RIMBP2: variants seen among roughly 807,000 people sequenced by gnomAD.
The protein encoded by RIMBP2 is RIMS binding protein 2.
RIMBP2 carries 48 observed loss-of-function variants against 118.6 expected under a neutral mutation model. The ratio of observed to expected loss-of-function variants is 0.40; its 90% CI spans 0.32 to 0.51. The LOEUF (loss-of-function observed/expected upper bound fraction) is 0.51, where lower values mean the gene tolerates loss of function less well. Ranked by LOEUF, RIMBP2 falls within the 20% of genes least tolerant of loss-of-function variation. The pLI is 0.41. For synonymous variants in RIMBP2, 762 were observed against 742.9 expected, an observed-to-expected ratio of 1.03 and a Z score of -0.42; for missense variants, 1,551 against 1,768.3, an observed-to-expected ratio of 0.88 and a Z score of 2.20.
Position 130,450,365 on chromosome 12 carries a change from T to C in RIMBP2, c.505-89A>G. Reference sequence around the variant, plus strand: ...GCACACGGGAAAGCCCCTCGCAGCTTCCTGGGCCCCAGGAGGGACGGCCTG... The same window carrying C: ...GCACACGGGAAAGCCCCTCGCAGCTCCCTGGGCCCCAGGAGGGACGGCCTG... On this transcript the variant is annotated intron_variant, in intron 8 of 22. Coordinates refer to ENST00000690449, the MANE Select transcript of RIMBP2 (RefSeq NM_001393629.1). The surrounding 1 kb of genome is among the most constrained non-coding windows in gnomAD (Gnocchi z 4.8). The C allele has an allele frequency of 1.0e-6, 1 of 984,538 alleles. No individual in the cohort carries two copies. Among genetic ancestry groups the C allele is most frequent in the Non-Finnish European group, 1.6e-6 (1 of 631,490 alleles). The allele number at this position is 984,538 out of a possible 1,614,324, so 61.0% of individuals were successfully genotyped here.
chr12:130,493,810 C>T (rs1403764519), intron 4 of RIMBP2, among the ~76,000 whole-genome samples: 5 of 152,200 alleles, frequency 3.3e-5, no homozygotes, highest in Non-Finnish European at 7.3e-5. Context: ...TCTACATTTT[C>T]GTTGAAGTGT....
intron 2 of RIMBP2, among the ~76,000 whole-genome samples, chr12:130,626,652 A>G (rs2061654907): frequency 6.7e-6 from 1 of 149,824 alleles, no homozygotes; most frequent in African/African-American, 2.5e-5. Context: ...AATCTCCTCC[A>G]TCACCATGAC....
intron 2 of RIMBP2, among the ~76,000 whole-genome samples, chr12:130,529,141 ACAC>A (rs1343732169): frequency 1.3e-5 from 2 of 152,220 alleles, no homozygotes; most frequent in Non-Finnish European, 2.9e-5. Context: ...GTGCTGATTC[ACAC>A]CACAACAGGG....
intron 2 of RIMBP2, among the ~76,000 whole-genome samples, chr12:130,592,991 T>C (rs980887161): frequency 2.6e-5 from 4 of 152,206 alleles, no homozygotes; most frequent in African/African-American, 9.6e-5. Flanking sequence ...CTCACTGCGT[T>C]GCTGAAAACC....
intron 5 of RIMBP2, chr12:130,471,611 G>A (rs2081011014): frequency 6.6e-6 from 1 of 152,296 alleles, no homozygotes; most frequent in African/African-American, 2.4e-5. Flanking sequence ...AGTCGCCAGG[G>A]GCCTGGACGG....
chr12:130,578,356 C>G lies in RIMBP2; in HGVS notation c.-217+49966G>C, dbSNP rs747090121. 1.3e-5 allele frequency among the ~76,000 whole-genome samples: 2 copies of G among 152,216 alleles called. No homozygotes were observed. Among genetic ancestry groups the G allele is most frequent in the Non-Finnish European group, 2.9e-5 (2 of 68,038 alleles). Reference sequence around the variant, plus strand: ...CATTCTGGATGGCTGCTGCTCTGCCCTAGAATCCAACATGGCTCCCAGCTG... The same window carrying G: ...CATTCTGGATGGCTGCTGCTCTGCCGTAGAATCCAACATGGCTCCCAGCTG... On this transcript the variant is annotated intron_variant, in intron 2 of 22. Transcript: ENST00000690449. The surrounding 1 kb of genome is among the most constrained non-coding windows in gnomAD (Gnocchi z 4.1).
chr12:130,672,306 A>G (rs540566468), intron 1 of RIMBP2, among the ~76,000 whole-genome samples: 4 of 152,332 alleles, frequency 2.6e-5, no homozygotes, highest in African/African-American at 9.6e-5. Context: ...AATCAATTAA[A>G]TCACTCGCTT....
intron 2 of RIMBP2, among the ~76,000 whole-genome samples, chr12:130,572,817 C>T (rs1381184353): frequency 6.6e-6 from 1 of 152,040 alleles, no homozygotes; most frequent in Non-Finnish European, 1.5e-5. Flanking sequence ...GCACTGTCAC[C>T]ACGGGACGGG....
chr12:130,707,631 C>T (rs74741935), intron 1 of RIMBP2, among the ~76,000 whole-genome samples: 4,666 of 152,148 alleles, frequency 0.031, 237 homozygotes, highest in African/African-American at 0.11. Flanking sequence ...CAAGAGTGGG[C>T]GTGGACTGAG....
chr12:130,434,952 A>G lies in RIMBP2; in HGVS notation c.2107-72T>C. 6.7e-7 allele frequency: 1 copy of G among 1,488,038 alleles called. No homozygotes were observed. Among genetic ancestry groups the G allele is most frequent in the Non-Finnish European group, 9.0e-7 (1 of 1,111,462 alleles). 92.2% of individuals were successfully genotyped at this position (1,488,038 alleles called of 1,614,324 possible). A position where few individuals can be genotyped will look rare whatever the true frequency, so the allele number is the denominator to read the frequency against. On this transcript the variant is annotated intron_variant, in intron 13 of 22. Coordinates refer to ENST00000690449, the MANE Select transcript of RIMBP2 (RefSeq NM_001393629.1). This position sits in a 1 kb window ranked among gnomAD's most constrained non-coding sequence, Gnocchi z 5.7. Reference sequence around the variant, plus strand: ...GCTACGCTCAGCCCCACCTGCATTCACCAAACCTTCAGCCCCTCAGAGCCT... The same window carrying G: ...GCTACGCTCAGCCCCACCTGCATTCGCCAAACCTTCAGCCCCTCAGAGCCT...
At chr12:130,531,658 T>G (rs2053386796) in intron 2 of RIMBP2, among the ~76,000 whole-genome samples, 1 of 152,238 alleles carries the variant, frequency 6.6e-6, no homozygotes, top group Non-Finnish European at 1.5e-5. Flanking sequence ...GAGGCACATG[T>G]ACATGTTTCT....
chr12:130,694,489 C>T (rs145630312), intron 1 of RIMBP2, among the ~76,000 whole-genome samples: 34 of 152,338 alleles, frequency 2.2e-4, no homozygotes, highest in African/African-American at 7.5e-4. Flanking sequence ...CCTGTCTCAT[C>T]GCCAACCTCA....
intron 1 of RIMBP2, among the ~76,000 whole-genome samples, chr12:130,656,747 A>G (rs1377662605): frequency 6.6e-6 from 1 of 152,144 alleles, no homozygotes; most frequent in Non-Finnish European, 1.5e-5. Context: ...CTAAAAAAAA[A>G]AGCAAGATCT....
chr12:130,447,979 CAT>C lies in RIMBP2; in HGVS notation c.581+2219_581+2220del. On this transcript the variant is annotated intron_variant, in intron 9 of 22. Coordinates refer to ENST00000690449, the MANE Select transcript of RIMBP2 (RefSeq NM_001393629.1). The surrounding 1 kb of genome is among the most constrained non-coding windows in gnomAD (Gnocchi z 4.4). ...CACTGATTAGACCCGGGGCAGAAAA[CAT>C]AACCCCCTCCCTACATCTACCTGCA... is the stretch of plus-strand genomic sequence containing the variant. Among the ~76,000 whole-genome samples the C allele has an allele frequency of 6.6e-6, 1 of 152,188 alleles. No homozygotes were observed. The highest frequency in any genetic ancestry group is 2.4e-5 in the African/African-American group (1 of 41,532).
At chr12:130,451,062 G>T in intron 8 of RIMBP2, 133 bp downstream of exon 8, 1 of 1,072,144 alleles carries the variant, frequency 9.3e-7, no homozygotes, top group Non-Finnish European at 1.4e-6. Context: ...ATTAACAGGG[G>T]CAAAGGGAAG....
chr12:130,542,853 G>C (rs2054736605), intron 2 of RIMBP2, among the ~76,000 whole-genome samples: 1 of 152,182 alleles, frequency 6.6e-6, no homozygotes, highest in Non-Finnish European at 1.5e-5. Context: ...TTGTTTATGA[G>C]GATGCTTTAA....
chr12:130,685,052 G>A (rs1410801036), intron 1 of RIMBP2, among the ~76,000 whole-genome samples: 2 of 152,138 alleles, frequency 1.3e-5, no homozygotes, highest in African/African-American at 4.8e-5. Context: ...GATAAATCCA[G>A]AAACCAAACT....
In RIMBP2 at chr12:130,534,673, T is replaced by C. The variant is rs868304301; in HGVS notation, c.-216-16756A>G. Among the ~76,000 whole-genome samples the C allele has an allele frequency of 1.7e-4, 26 of 152,204 alleles. No individual in the cohort carries two copies. The South Asian group carries it at 5.4e-3, about 32-fold the overall frequency. The stretch of plus-strand genomic sequence containing the variant: ...AGTGGTGCCTGCAGAGGCATGAACA[T>C]AGCTAAGTTCACCCATGTCATAGAT... On this transcript the variant is annotated intron_variant, in intron 2 of 22. Coordinates refer to ENST00000690449, the MANE Select transcript of RIMBP2 (RefSeq NM_001393629.1).
At chr12:130,667,197 G>A (rs2063989963) in intron 1 of RIMBP2, 14 of 143,612 alleles carry the variant, frequency 9.7e-5, no homozygotes, top group Admixed American at 9.0e-4. Flanking sequence ...GAGGCAAGGA[G>A]TGAGGGAGGG....
Sources: gnomAD v4.1 joint callset for allele counts (sites outside exome capture counted in the v4.1 genomes callset) on GRCh38, gnomAD v4.1.1 for gene constraint, Gnocchi (gnomAD v3.1) non-coding constraint, MANE v1.5 for transcripts, NCBI Gene and HGNC (gene_info 2026-07-23, HGNC 2026-07-21) for gene names.